MLANA: variants seen among roughly 807,000 people sequenced by gnomAD.
MLANA encodes melanoma antigen recognized by T-cells 1.
MLANA carries 21 observed loss-of-function variants against 15.7 expected under a neutral mutation model. That is an observed-to-expected ratio of 1.33 (90% CI 0.95 to 1.92). The LOEUF (loss-of-function observed/expected upper bound fraction) is 1.92. MLANA is among the 40% of genes most tolerant of loss of function. MLANA has a pLI of 0.00. For missense variants in MLANA, 164 were observed against 143.8 expected (o/e 1.14, Z -0.72); for synonymous variants, 56 against 51.5 (o/e 1.09, Z -0.37).
chr9:5,892,300 A>C (rs1831705591), intron 1 of MLANA, 150 bp from the exon 2 acceptor site: 1 of 439,364 alleles, frequency 2.3e-6, no homozygotes, highest in African/African-American at 2.0e-5. Context: ...GAATGAAAGA[A>C]GCAGGTGCAA....
rs1832998440 is a variant in MLANA at position 5,909,038 on chromosome 9, T to C, written c.*330T>C. On this transcript the variant is annotated 3_prime_UTR_variant, in exon 5 of 5. Coordinates refer to ENST00000381477, the MANE Select transcript of MLANA (RefSeq NM_005511.2). Reference sequence around the variant, plus strand: ...ATTCTGGGGCCATCCAATTTCTCTTTACTTGAAATTTGGCTAATAACAAAC... The same window carrying C: ...ATTCTGGGGCCATCCAATTTCTCTTCACTTGAAATTTGGCTAATAACAAAC... 3 of 304,110 alleles carry C rather than the reference T, an allele frequency of 9.9e-6. No homozygotes were observed. Among genetic ancestry groups the C allele is most frequent in the Non-Finnish European group, 6.1e-6 (1 of 163,048 alleles). 18.8% of individuals were successfully genotyped at this position (304,110 alleles called of 1,614,324 possible).
intron 3 of MLANA, among the ~76,000 whole-genome samples, chr9:5,901,599 A>G (rs1380024808): frequency 1.3e-5 from 2 of 151,836 alleles, no homozygotes; most frequent in African/African-American, 4.8e-5. Context: ...GCTTACTGTA[A>G]CCTTCACCTC....
chr9:5,908,868 G>C lies in MLANA; in HGVS notation c.*160G>C. 1 of 613,204 alleles carries C rather than the reference G, an allele frequency of 1.6e-6. No homozygotes were observed. Among genetic ancestry groups the C allele is most frequent in the Non-Finnish European group, 2.9e-6 (1 of 347,156 alleles). 38.0% of individuals were successfully genotyped at this position (613,204 alleles called of 1,614,324 possible). On this transcript the variant is annotated 3_prime_UTR_variant, in exon 5 of 5. Coordinates refer to ENST00000381477, the MANE Select transcript of MLANA (RefSeq NM_005511.2). ...TAAAATTTTAGTAGGTCCGCTAGCA[G>C]TACTAATCATGTGAGGAAATGATGA...
intron 4 of MLANA, among the ~76,000 whole-genome samples, chr9:5,907,796 T>C (rs1832915284): frequency 1.3e-5 from 2 of 151,956 alleles, no homozygotes. Flanking sequence ...TTACTAAAAA[T>C]ACAAAAATTA....
rs1586912691 is a variant in MLANA, at chr9:5,892,379, T to A, written c.-25-71T>A. The A allele has an allele frequency of 4.5e-6, 5 of 1,103,978 alleles. No individual in the cohort carries two copies. In the East Asian group the frequency reaches 1.3e-4, roughly 28 times the overall value. 68.4% of individuals were successfully genotyped at this position (1,103,978 alleles called of 1,614,324 possible). ...TGGTCACCTAGTGAGGATGCTGTTG[T>A]GGGTCTTTATGAGATGATGAATAGG... is the stretch of plus-strand genomic sequence containing the variant. On this transcript the variant is annotated intron_variant, in intron 1 of 4. Coordinates refer to ENST00000381477, the MANE Select transcript of MLANA (RefSeq NM_005511.2).
chr9:5,900,077 A>T (rs999781548), intron 3 of MLANA, among the ~76,000 whole-genome samples: 2 of 152,220 alleles, frequency 1.3e-5, no homozygotes, highest in Non-Finnish European at 2.9e-5. Flanking sequence ...TACAAACTCA[A>T]TATGTTGGTA....
intron 3 of MLANA, among the ~76,000 whole-genome samples, chr9:5,903,343 G>A (rs1016751068): frequency 9.2e-5 from 14 of 152,232 alleles, no homozygotes; most frequent in Non-Finnish European, 1.5e-4. Flanking sequence ...CTAGTTAATC[G>A]AAGATTTTGT....
At chr9:5,891,378 A>C (rs1323168816) in intron 1 of MLANA, 1 of 152,206 alleles carries the variant, frequency 6.6e-6, no homozygotes, top group African/African-American at 2.4e-5. Flanking sequence ...GTTCAGTCCT[A>C]TATTATTCAC....
Position 5,910,005 on chromosome 9 carries a change from T to C in MLANA, c.*1297T>C, listed in dbSNP as rs1833069236. ...CAGTATCATTTTCCATAGTAGAGGA[T>C]AACTATAACAACGAAGATAATGAAA... On this transcript the variant is annotated 3_prime_UTR_variant, in exon 5 of 5. Transcript: ENST00000381477. The C allele has an allele frequency of 6.6e-6, 1 of 152,234 alleles. No homozygotes were observed. The highest frequency in any genetic ancestry group is 1.5e-5 in the Non-Finnish European group (1 of 68,034). 9.4% of individuals were successfully genotyped at this position (152,234 alleles called of 1,614,324 possible).
At position 5,894,944 on chromosome 9, in the gene MLANA, T is replaced by G. The variant is rs915283526; in HGVS notation, c.77+2393T>G. On this transcript the variant is annotated intron_variant, in intron 2 of 4. Transcript: ENST00000381477. The surrounding 1 kb of genome is among the most constrained non-coding windows in gnomAD (Gnocchi z 4.0). ...CTATCATGTGAAGGAACCCCTTGACTGAAGGCACAAGCTTTCTGTGTCTTG... is the reference window on the plus strand; with the variant it reads ...CTATCATGTGAAGGAACCCCTTGACGGAAGGCACAAGCTTTCTGTGTCTTG... Among the ~76,000 whole-genome samples the G allele has an allele frequency of 3.9e-5, 6 of 152,208 alleles. No homozygotes were observed. Among genetic ancestry groups the G allele is most frequent in the Non-Finnish European group, 8.8e-5 (6 of 68,036 alleles).
rs980068692 is a variant in MLANA at position 5,909,909 on chromosome 9, T to C, written c.*1201T>C. On this transcript the variant is annotated 3_prime_UTR_variant, in exon 5 of 5. Transcript: ENST00000381477. Reference sequence around the variant, plus strand: ...ATCACCTACACTATTATTTATCTAATATTTCTCTTTCAGGCAGCTCATTTA... The same window carrying C: ...ATCACCTACACTATTATTTATCTAACATTTCTCTTTCAGGCAGCTCATTTA... 1 of 152,288 alleles carries C rather than the reference T, an allele frequency of 6.6e-6. No homozygotes were observed. The highest frequency in any genetic ancestry group is 2.4e-5 in the African/African-American group (1 of 41,486). 9.4% of individuals were successfully genotyped at this position (152,288 alleles called of 1,614,324 possible).
At chr9:5,904,725 A>C (rs112348232) in intron 3 of MLANA, among the ~76,000 whole-genome samples, 1 of 151,002 alleles carries the variant, frequency 6.6e-6, no homozygotes, top group Non-Finnish European at 1.5e-5. Flanking sequence ...TTGGCCTCCC[A>C]AAGTGCTAGG....
chr9:5,905,817 C>G (rs552524783), intron 3 of MLANA, among the ~76,000 whole-genome samples: 8 of 152,136 alleles, frequency 5.3e-5, no homozygotes, highest in Non-Finnish European at 1.2e-4. Context: ...AAATCATAAC[C>G]CAACCACCTC....
chr9:5,907,304 A>G, intron 4 of MLANA: 1 of 183,330 alleles, frequency 5.5e-6, no homozygotes. Flanking sequence ...AGTCCTGGAT[A>G]CAATATTCTT....
rs1011081776 is a variant in MLANA at position 5,906,800 on chromosome 9, C to G, written c.175-85C>G. 5.2e-5 allele frequency: 42 copies of G among 814,016 alleles called. No individual in the cohort carries two copies. The South Asian group carries it at 8.0e-4, about 15-fold the overall frequency. The allele number at this position is 814,016 out of a possible 1,614,324, so 50.4% of individuals were successfully genotyped here. On this transcript the variant is annotated intron_variant, in intron 3 of 4. Transcript: ENST00000381477. ...GGCAGAACCTAGATTAAAACTCATTCTTAAAACTTTGGCTTCCTTCTCTTT... is the reference window on the plus strand; with the variant it reads ...GGCAGAACCTAGATTAAAACTCATTGTTAAAACTTTGGCTTCCTTCTCTTT...
intron 2 of MLANA, among the ~76,000 whole-genome samples, chr9:5,896,743 G>C (rs1463869187): frequency 3.3e-5 from 5 of 152,190 alleles, no homozygotes; most frequent in African/African-American, 1.2e-4. Flanking sequence ...GGTCTTTGTG[G>C]TAACTTTGTG....
intron 4 of MLANA, among the ~76,000 whole-genome samples, chr9:5,908,335 A>G (rs1237809597): frequency 6.6e-6 from 1 of 152,252 alleles, no homozygotes; most frequent in East Asian, 1.9e-4. Context: ...GTGTCTATAA[A>G]TAGCATTCAA....
At chr9:5,895,257 G>A (rs780608948) in intron 2 of MLANA, among the ~76,000 whole-genome samples, 25 of 152,082 alleles carry the variant, frequency 1.6e-4, no homozygotes, top group African/African-American at 4.8e-4. Context: ...GAAGGAGATC[G>A]GTCCAGAAAA....
intron 2 of MLANA, among the ~76,000 whole-genome samples, chr9:5,895,663 T>C (rs1353270509): frequency 6.6e-6 from 1 of 152,206 alleles, no homozygotes; most frequent in Non-Finnish European, 1.5e-5. Flanking sequence ...AAAATGCAGA[T>C]TTCTAGGTGC....
Sources: allele counts gnomAD v4.1 joint callset (sites outside exome capture counted in the v4.1 genomes callset), GRCh38; gene constraint gnomAD v4.1.1; non-coding constraint Gnocchi (gnomAD v3.1); transcripts MANE v1.5; gene names NCBI Gene and HGNC (gene_info 2026-07-23, HGNC 2026-07-21).